The following ADAM19 variants were observed in gnomAD, a reference collection of about 807,000 sequenced individuals.
ADAM19 encodes disintegrin and metalloproteinase domain-containing protein 19.
ADAM19 carries 65 observed loss-of-function variants against 114.7 expected under a neutral mutation model. The observed-to-expected ratio is 0.57, with a 90% CI of 0.46 to 0.70. The LOEUF is 0.70. ADAM19 is among the 30% of genes least tolerant of loss of function. The pLI is 0.00. For synonymous variants in ADAM19, 466 were observed against 460.5 expected (o/e 1.01, Z -0.15); for missense variants, 1,063 against 1,204.7 (o/e 0.88, Z 1.74).
intron 21 of ADAM19, among the ~76,000 whole-genome samples, chr5:157,488,008 G>C (rs936555207): frequency 6.6e-6 from 1 of 152,192 alleles, no homozygotes; most frequent in African/African-American, 2.4e-5. Flanking sequence ...TTAATATGGG[G>C]TGGAAGGTGG....
At chr5:157,555,519 C>T (rs777464589) in intron 3 of ADAM19, among the ~76,000 whole-genome samples, 1 of 152,192 alleles carries the variant, frequency 6.6e-6, no homozygotes, top group Non-Finnish European at 1.5e-5. Context: ...GCAAGGGCCA[C>T]ATGTCACAGC....
At chr5:157,572,093 T>TTG (rs1469472466) in intron 1 of ADAM19, among the ~76,000 whole-genome samples, 5 of 152,120 alleles carry the variant, frequency 3.3e-5, no homozygotes, top group Middle Eastern at 3.4e-3. Context: ...GTCCTGTTTT[T>TTG]TTTTTCTTTT....
intron 12 of ADAM19, 120 bp from the exon 13 acceptor site, chr5:157,499,782 T>TC: frequency 1.5e-6 from 1 of 657,520 alleles, no homozygotes; most frequent in East Asian, 2.8e-5. Flanking sequence ...TCTTTTTTTT[T>TC]TTTTTTTTTT....
intron 5 of ADAM19, among the ~76,000 whole-genome samples, chr5:157,529,314 CCTT>C (rs1231786805): frequency 7.3e-6 from 1 of 136,840 alleles, no homozygotes; most frequent in Non-Finnish European, 1.5e-5. Flanking sequence ...AGATCATCAT[CCTT>C]CTTCAAAAAA....
chr5:157,529,561 C>T (rs547439842), intron 5 of ADAM19, among the ~76,000 whole-genome samples: 3 of 152,226 alleles, frequency 2.0e-5, no homozygotes, highest in Admixed American at 6.5e-5. Flanking sequence ...AGTAGGTCTG[C>T]GTGGAACCTG....
At chr5:157,545,336 A>T (rs756212283) in intron 3 of ADAM19, among the ~76,000 whole-genome samples, 2 of 152,136 alleles carry the variant, frequency 1.3e-5, no homozygotes, top group Non-Finnish European at 1.5e-5. Flanking sequence ...TGCATTGCTG[A>T]CTAGGGCACC....
chr5:157,536,582 C>T lies in ADAM19; in HGVS notation c.330+1331G>A, dbSNP rs965510797. Among the ~76,000 whole-genome samples, 7 of 152,040 alleles carry T rather than the reference C, an allele frequency of 4.6e-5. No individual in the cohort carries two copies. In the East Asian group the frequency reaches 7.7e-4, roughly 17 times the overall value. On this transcript the variant is annotated intron_variant, in intron 4 of 22. Coordinates refer to ENST00000257527, the MANE Select transcript of ADAM19 (RefSeq NM_033274.5). ...GGCGGAGGTTGCAGTGAGCCAAGAT[C>T]GCACCACTGCACTCCAGCCTAGGTT... is the stretch of plus-strand genomic sequence containing the variant.
chr5:157,533,539 T>C (rs930396302), intron 4 of ADAM19, among the ~76,000 whole-genome samples: 1 of 152,076 alleles, frequency 6.6e-6, no homozygotes, highest in Non-Finnish European at 1.5e-5. Context: ...ACAAACCCCG[T>C]AGCACAGGAT....
At chr5:157,489,997 T>C (rs1755093965) in intron 19 of ADAM19, among the ~76,000 whole-genome samples, 1 of 152,178 alleles carries the variant, frequency 6.6e-6, no homozygotes, top group Non-Finnish European at 1.5e-5. Context: ...CAAAAATAAA[T>C]AAAATAAAAT....
At chr5:157,515,257 G>A (rs552873447) in intron 7 of ADAM19, among the ~76,000 whole-genome samples, 75 of 152,232 alleles carry the variant, frequency 4.9e-4, no homozygotes, top group Non-Finnish European at 8.2e-4. Context: ...TTGGTCTCTC[G>A]GCACAGACAG....
intron 3 of ADAM19, among the ~76,000 whole-genome samples, chr5:157,541,044 C>T (rs1167394859): frequency 6.6e-6 from 1 of 152,196 alleles, no homozygotes; most frequent in Non-Finnish European, 1.5e-5. Flanking sequence ...TTGAACAACT[C>T]TGCAGCTCCC....
intron 3 of ADAM19, among the ~76,000 whole-genome samples, chr5:157,546,822 G>A (rs923160547): frequency 1.3e-5 from 2 of 152,206 alleles, no homozygotes; most frequent in Non-Finnish European, 2.9e-5. Flanking sequence ...AGAGCCACAA[G>A]TACAGAAGTC....
chr5:157,507,582 G>A (rs113519105), intron 9 of ADAM19, among the ~76,000 whole-genome samples: 4 of 152,236 alleles, frequency 2.6e-5, no homozygotes, highest in Non-Finnish European at 2.9e-5. Flanking sequence ...GCTCTGTGGT[G>A]TGAGTCCCAC....
intron 2 of ADAM19, 72 bp downstream of exon 2, chr5:157,570,823 G>C (rs1219267519): frequency 7.5e-7 from 1 of 1,334,640 alleles, no homozygotes. Flanking sequence ...GGGATTCTAA[G>C]AAAGTTGAGT....
At chr5:157,532,722 A>G (rs369463689) in intron 4 of ADAM19, among the ~76,000 whole-genome samples, 1 of 152,282 alleles carries the variant, frequency 6.6e-6, no homozygotes, top group East Asian at 1.9e-4. Context: ...TCCCCACCAG[A>G]CAGGGATGTG....
rs759406077 is a variant in ADAM19, at chr5:157,488,445, A to G, written c.2370T>C (p.Pro790=). The G allele has an allele frequency of 6.2e-7, 1 of 1,610,710 alleles. No individual in the cohort carries two copies. Among genetic ancestry groups the G allele is most frequent in the South Asian group, 1.1e-5 (1 of 90,924 alleles). Residue 790 remains proline, a synonymous_variant, in exon 21 of 23, where the codon CCT becomes CCC. Transcript: ENST00000257527. ...GCAGATAATCTGGAGGGGGCCGGGG[A>G]GGAGGCTGGGAGGGCTTCCGCAGGA... ...PEILRKPSQP[P]PRPPPDYLRG...
chr5:157,574,963 T>G (rs1431264860), intron 1 of ADAM19, among the ~76,000 whole-genome samples: 2 of 152,172 alleles, frequency 1.3e-5, no homozygotes, highest in Non-Finnish European at 2.9e-5. Flanking sequence ...GTCCTTTCCC[T>G]TTTGTGGGCC....
chr5:157,491,662 G>A lies in ADAM19; in HGVS notation c.2048C>T (p.Thr683Ile). ...LPGWAPPFCN[T>I]PGHGGSIDSG... Reference sequence around the variant, plus strand: ...GTCGATACTGCCCCCGTGGCCCGGTGTGTTGCAGAAGGGCGGGGCCCAGCC... The same window carrying A: ...GTCGATACTGCCCCCGTGGCCCGGTATGTTGCAGAAGGGCGGGGCCCAGCC... Residue 683 changes from threonine to isoleucine, a missense_variant, in exon 18 of 23, where the codon ACA becomes ATA. By Grantham distance (89) the Thr-to-Ile change is moderately conservative. This residue lies in a region of ADAM19 where 424 missense variants were observed against 445.5 expected (regional missense o/e 0.95). Transcript: ENST00000257527. 1 of 1,570,100 alleles carries A rather than the reference G, an allele frequency of 6.4e-7. No individual in the cohort carries two copies. Among genetic ancestry groups the A allele is most frequent in the Non-Finnish European group, 8.6e-7 (1 of 1,156,506 alleles).
At chr5:157,559,027 G>A (rs1358613731) in intron 3 of ADAM19, among the ~76,000 whole-genome samples, 1 of 152,196 alleles carries the variant, frequency 6.6e-6, no homozygotes, top group African/African-American at 2.4e-5. Context: ...CTGAAGGACT[G>A]ATAAGAAGTT....
Sources: allele counts gnomAD v4.1 joint callset (sites outside exome capture counted in the v4.1 genomes callset), GRCh38; gene constraint gnomAD v4.1.1; regional missense constraint gnomAD v4.1.1; transcripts MANE v1.5; gene names NCBI Gene and HGNC (gene_info 2026-07-23, HGNC 2026-07-21).